Variants in INPP5B observed in about 807,000 individuals in gnomAD.
INPP5B encodes type II inositol 1,4,5-trisphosphate 5-phosphatase.
A neutral mutation model predicts 118.5 loss-of-function variants in INPP5B; 90 were observed. The ratio of observed to expected loss-of-function variants is 0.76; its 90% confidence interval spans 0.64 to 0.90. The LOEUF is 0.90. Ranked by LOEUF, INPP5B falls within the 40% of genes least tolerant of loss-of-function variation. The probability of loss-of-function intolerance (pLI) is 0.00; values close to 1 mark genes in which losing one functional copy is unlikely to be tolerated. For missense variants in INPP5B, 984 were observed against 1,125.6 expected (o/e 0.87, Z 1.80); for synonymous variants, 385 against 418.9 (o/e 0.92, Z 0.99).
intron 19 of INPP5B, among the ~76,000 whole-genome samples, chr1:37,872,529 C>T (rs1642524902): frequency 6.6e-6 from 1 of 151,748 alleles, no homozygotes; most frequent in South Asian, 2.1e-4. Flanking sequence ...CATGTTCTTG[C>T]CACTACCTAC....
intron 7 of INPP5B, among the ~76,000 whole-genome samples, chr1:37,909,753 C>A (rs978943490): frequency 6.6e-6 from 1 of 152,196 alleles, no homozygotes; most frequent in African/African-American, 2.4e-5. Context: ...AACCCCCCAA[C>A]AGTACTTAAT....
intron 6 of INPP5B, among the ~76,000 whole-genome samples, chr1:37,936,767 A>G (rs1241577682): frequency 6.8e-6 from 1 of 147,418 alleles, no homozygotes; most frequent in Non-Finnish European, 1.5e-5. Context: ...CTGTCACTAT[A>G]TGTTGGCCAG....
At chr1:37,897,758 A>C (rs985052223) in intron 7 of INPP5B, among the ~76,000 whole-genome samples, 4 of 151,372 alleles carry the variant, frequency 2.6e-5, no homozygotes, top group African/African-American at 4.8e-5. Flanking sequence ...ATAATAATAA[A>C]ATAAAATTAA....
rs57019964 is a variant in INPP5B, at chr1:37,866,385, T to TTCTCTCTCTC, written c.2386+64_2386+73dup. The TTCTCTCTCTC allele has an allele frequency of 1.4e-3, 820 of 606,218 alleles. 1 individual carries two copies. Among genetic ancestry groups the TTCTCTCTCTC allele is most frequent in the Non-Finnish European group, 1.8e-3 (600 of 334,332 alleles). The allele number at this position is 606,218 out of a possible 1,614,324, so 37.6% of individuals were successfully genotyped here. A position where few individuals can be genotyped will look rare whatever the true frequency, so the allele number is the denominator to read the frequency against. On this transcript the variant is annotated intron_variant, in intron 21 of 23. Coordinates refer to ENST00000373024, the MANE Select transcript of INPP5B (RefSeq NM_005540.3). ...CTTTTTCTCACCCCTCTCACTCATA[T>TTCTCTCTCTC]TCTCTCTCTCTCTCTCTCTCTCACA...
intron 13 of INPP5B, chr1:37,883,256 G>A (rs1324278431): frequency 1.0e-6 from 1 of 985,210 alleles, no homozygotes; most frequent in Non-Finnish European, 1.2e-6. Context: ...TGAGAGTCAC[G>A]CCAATCACCC....
rs766824500 is a variant in INPP5B, at chr1:37,889,585, C to G, written c.769G>C (p.Glu257Gln). 6.2e-7 allele frequency: 1 copy of G among 1,613,922 alleles called. No individual in the cohort carries two copies. The highest frequency in any genetic ancestry group is 1.7e-5 in the Admixed American group (1 of 59,986). Residue 257 changes from glutamate to glutamine, a missense_variant, in exon 9 of 24, where the codon GAG (glutamate) becomes CAG (glutamine). Physicochemically the swap from Glu to Gln is conservative, Grantham distance 29. This residue lies in a region of INPP5B where 634 missense variants were observed against 791.0 expected (regional missense o/e 0.80). Transcript: ENST00000373024. Reference protein sequence around the residue: ...IVKSHLLQKEEDYTYIQNFRF... With the variant: ...IVKSHLLQKEQDYTYIQNFRF... Reference sequence around the variant, plus strand: ...AAGTTCTGGATATAGGTGTAATCCTCTTCTTTCTGTAGTAGATGTGATTTC... The same window carrying G: ...AAGTTCTGGATATAGGTGTAATCCTGTTCTTTCTGTAGTAGATGTGATTTC...
At chr1:37,930,135 C>T (rs1357012309) in intron 7 of INPP5B, 1 of 152,184 alleles carries the variant, frequency 6.6e-6, no homozygotes, top group Non-Finnish European at 1.5e-5. Flanking sequence ...AATCATAGTG[C>T]ACATCACCCT....
At position 37,875,658 on chromosome 1, in the gene INPP5B, A is replaced by G; in HGVS notation, c.1736T>C (p.Leu579Pro). 6.2e-7 allele frequency: 1 copy of G among 1,614,142 alleles called. No homozygotes were observed. Residue 579 changes from leucine (L) to proline (P), a missense_variant, in exon 17 of 24, where the codon CTG becomes CCG. Leu to Pro is a moderately conservative substitution (Grantham distance 98). Transcript: ENST00000373024. The part of the protein sequence containing the change: ...RKTLEEIVRS[L>P]DKMENANIPS... Reference sequence around the variant, plus strand: ...AATGTTGGCATTTTCCATCTTATCCAGGGAGCGAACAATTTCCTCCAGTGT... The same window carrying G: ...AATGTTGGCATTTTCCATCTTATCCGGGGAGCGAACAATTTCCTCCAGTGT...
intron 7 of INPP5B, among the ~76,000 whole-genome samples, chr1:37,901,867 C>G (rs1309530660): frequency 6.6e-6 from 1 of 152,122 alleles, no homozygotes; most frequent in African/African-American, 2.4e-5. Flanking sequence ...CTTCCCTACT[C>G]CCACTCTGCC....
intron 3 of INPP5B, 89 bp from the exon 4 acceptor site, chr1:37,943,982 G>A (rs1023427241): frequency 5.1e-5 from 46 of 906,458 alleles, no homozygotes; most frequent in African/African-American, 3.1e-4. Flanking sequence ...ACACTCGCTC[G>A]TTGGTCCCTA....
At chr1:37,883,618 A>G (rs558264105) in intron 13 of INPP5B, 1 of 985,444 alleles carries the variant, frequency 1.0e-6, no homozygotes, top group African/African-American at 1.7e-5. Flanking sequence ...AAATTAATGC[A>G]TCCACAAACT....
intron 7 of INPP5B, among the ~76,000 whole-genome samples, chr1:37,896,468 G>A (rs1448181802): frequency 1.3e-5 from 2 of 148,932 alleles, no homozygotes; most frequent in African/African-American, 4.9e-5. Context: ...CCGGGAGGGA[G>A]GTGGGGGGAT....
At chr1:37,921,215 T>C (rs1444581251) in intron 7 of INPP5B, among the ~76,000 whole-genome samples, 1 of 152,114 alleles carries the variant, frequency 6.6e-6, no homozygotes, top group Non-Finnish European at 1.5e-5. Flanking sequence ...TAAGTGCTAC[T>C]AATAATGATA....
chr1:37,861,436 A>C lies in INPP5B; in HGVS notation c.*879T>G, dbSNP rs2148431958. The C allele has an allele frequency of 6.6e-6, 1 of 152,372 alleles. No homozygotes were observed. Among genetic ancestry groups the C allele is most frequent in the Non-Finnish European group, 1.5e-5 (1 of 68,106 alleles). 9.4% of individuals were successfully genotyped at this position (152,372 alleles called of 1,614,324 possible). On this transcript the variant is annotated 3_prime_UTR_variant, in exon 24 of 24. Coordinates refer to ENST00000373024, the MANE Select transcript of INPP5B (RefSeq NM_005540.3). ...TGAGTACAAGTACAGTTATTTAAAA[A>C]CATTTTAGGCCAGGCGTGGTGGTTC...
intron 7 of INPP5B, among the ~76,000 whole-genome samples, chr1:37,914,621 C>A (rs1185390376): frequency 2.6e-5 from 4 of 152,166 alleles, no homozygotes. Flanking sequence ...ACGTGATGAA[C>A]TACAAACTCA....
intron 7 of INPP5B, among the ~76,000 whole-genome samples, chr1:37,900,545 G>A (rs1455444104): frequency 2.0e-5 from 3 of 151,194 alleles, no homozygotes; most frequent in Non-Finnish European, 3.0e-5. Flanking sequence ...GAGCCACTGC[G>A]CCCGGCTGAA....
chr1:37,865,799 A>T lies in INPP5B; in HGVS notation c.2476T>A (p.Cys826Ser). 1 of 1,613,748 alleles carries T rather than the reference A, an allele frequency of 6.2e-7. No homozygotes were observed. Among genetic ancestry groups the T allele is most frequent in the Non-Finnish European group, 8.5e-7 (1 of 1,179,762 alleles). The change falls in exon 22 of 24, where the codon TGC becomes AGC. Residue 826 changes from cysteine to serine, a missense_variant. Physicochemically the swap from Cys to Ser is moderately radical, Grantham distance 112. This residue lies in a region of INPP5B where 634 missense variants were observed against 791.0 expected (regional missense o/e 0.80). Coordinates refer to ENST00000373024, the MANE Select transcript of INPP5B (RefSeq NM_005540.3). ...PVICYSTYHN[C>S]LECSGNYTAS... ...GTGTAGTTGCCAGAACACTCCAAGCAGTTATGGTAGGTGCTGTAACAGATG... is the reference window on the plus strand; with the variant it reads ...GTGTAGTTGCCAGAACACTCCAAGCTGTTATGGTAGGTGCTGTAACAGATG...
chr1:37,940,367 G>A (rs1214674334), intron 6 of INPP5B, among the ~76,000 whole-genome samples: 2 of 152,222 alleles, frequency 1.3e-5, no homozygotes, highest in Non-Finnish European at 2.9e-5. Flanking sequence ...AGAGAGGGAA[G>A]TTGGGCCGCT....
Position 37,907,123 on chromosome 1 carries a change from A to G in INPP5B, c.533-15669T>C, listed in dbSNP as rs899075143. On this transcript the variant is annotated intron_variant, in intron 7 of 23. Coordinates refer to ENST00000373024, the MANE Select transcript of INPP5B (RefSeq NM_005540.3). The surrounding 1 kb of genome is among the most constrained non-coding windows in gnomAD (Gnocchi z 4.3). The stretch of plus-strand genomic sequence containing the variant: ...TTCCAACAGTTGCCCAGTTCATGAA[A>G]AGCCTTCTAATTTAGTTTATTTGGA... Among the ~76,000 whole-genome samples, 16 of 152,214 alleles carry G rather than the reference A, an allele frequency of 1.1e-4. No individual in the cohort carries two copies. Among genetic ancestry groups the G allele is most frequent in the African/African-American group, 3.9e-4 (16 of 41,458 alleles).
Sources: allele counts gnomAD v4.1 joint callset (sites outside exome capture counted in the v4.1 genomes callset), GRCh38; gene constraint gnomAD v4.1.1; regional missense constraint gnomAD v4.1.1; non-coding constraint Gnocchi (gnomAD v3.1); transcripts MANE v1.5; gene names NCBI Gene and HGNC (gene_info 2026-07-23, HGNC 2026-07-21).